SLC39A8: variants seen among roughly 807,000 people sequenced by gnomAD.
The protein encoded by SLC39A8 is metal cation symporter ZIP8.
In SLC39A8, 15 loss-of-function variants were observed where a neutral mutation model predicts 40.4. The ratio of observed to expected loss-of-function variants is 0.37; its 90% confidence interval spans 0.25 to 0.57. SLC39A8 has a LOEUF of 0.57. Among genes scored for constraint, SLC39A8 ranks in the 20% least tolerant of loss-of-function variants. The pLI is 0.75. For synonymous variants in SLC39A8, 223 were observed against 221.6 expected (o/e 1.01, Z -0.06); for missense variants, 472 against 558.8 (o/e 0.84, Z 1.57).
chr4:102,325,560 T>TA (rs1316263094), intron 2 of SLC39A8, among the ~76,000 whole-genome samples: 13 of 152,198 alleles, frequency 8.5e-5, no homozygotes, highest in South Asian at 2.1e-4. Flanking sequence ...CTGCTAGGGA[T>TA]AAAAAGATTA....
At chr4:102,290,831 C>A (rs1236707985) in intron 6 of SLC39A8, among the ~76,000 whole-genome samples, 3 of 152,054 alleles carry the variant, frequency 2.0e-5, no homozygotes, top group African/African-American at 7.2e-5. Flanking sequence ...TTCCCACCTG[C>A]CTGAAATTGA....
chr4:102,320,272 T>C (rs1427655797), intron 2 of SLC39A8, among the ~76,000 whole-genome samples: 1 of 132,912 alleles, frequency 7.5e-6, no homozygotes, highest in Non-Finnish European at 1.6e-5. Context: ...TATATGAGAA[T>C]ATTATATATG....
Position 102,326,434 on chromosome 4 carries a change from G to A in SLC39A8, c.220-10604C>T, listed in dbSNP as rs1230912284. Reference sequence around the variant, plus strand: ...AAATTAGCCAGGCCTCGTGGCGGGCGCCTGTAGTCCCAGCTACTCGGGAGG... The same window carrying A: ...AAATTAGCCAGGCCTCGTGGCGGGCACCTGTAGTCCCAGCTACTCGGGAGG... On this transcript the variant is annotated intron_variant, in intron 2 of 8. Coordinates refer to ENST00000356736, the MANE Select transcript of SLC39A8 (RefSeq NM_001135146.2). 3.9e-5 allele frequency among the ~76,000 whole-genome samples: 6 copies of A among 152,256 alleles called. No individual in the cohort carries two copies. The South Asian group carries it at 6.2e-4, about 16-fold the overall frequency.
intron 6 of SLC39A8, among the ~76,000 whole-genome samples, chr4:102,286,331 G>T (rs908147111): frequency 6.6e-6 from 1 of 152,102 alleles, no homozygotes; most frequent in Admixed American, 6.6e-5. Flanking sequence ...CAGCATGCAT[G>T]ACAGAACAAC....
chr4:102,290,290 T>C (rs1159664685), intron 6 of SLC39A8, among the ~76,000 whole-genome samples: 2 of 152,164 alleles, frequency 1.3e-5, no homozygotes, highest in Non-Finnish European at 2.9e-5. Context: ...TATAGTGTAG[T>C]GAAAACATAT....
At chr4:102,312,419 T>C (rs183437277) in intron 3 of SLC39A8, among the ~76,000 whole-genome samples, 33 of 152,218 alleles carry the variant, frequency 2.2e-4, no homozygotes, top group African/African-American at 7.7e-4. Context: ...TATGACTTTG[T>C]AGTGTTGTCC....
At chr4:102,271,761 T>C (rs1223637185) in intron 6 of SLC39A8, among the ~76,000 whole-genome samples, 2 of 152,244 alleles carry the variant, frequency 1.3e-5, no homozygotes, top group Admixed American at 1.3e-4. Context: ...GCAACTGATA[T>C]ATAGCCAAGG....
chr4:102,319,778 A>G (rs922284858), intron 2 of SLC39A8, among the ~76,000 whole-genome samples: 1 of 152,064 alleles, frequency 6.6e-6, no homozygotes, highest in African/African-American at 2.4e-5. Context: ...CAAATTAAAC[A>G]TTATTTCTAG....
At chr4:102,340,074 G>A (rs1237004808) in intron 2 of SLC39A8, among the ~76,000 whole-genome samples, 2 of 152,146 alleles carry the variant, frequency 1.3e-5, no homozygotes, top group African/African-American at 4.8e-5. Flanking sequence ...ATGTGCATAT[G>A]TCATGTCTCC....
At chr4:102,280,894 C>G (rs1245091015) in intron 6 of SLC39A8, among the ~76,000 whole-genome samples, 1 of 152,142 alleles carries the variant, frequency 6.6e-6, no homozygotes, top group African/African-American at 2.4e-5. Flanking sequence ...CAGTTATTTT[C>G]AGTTTGGGAC....
At chr4:102,252,638 T>C (rs960450592) in exon 12 of SLC39A8, 1 of 152,230 alleles carries the variant, frequency 6.6e-6, no homozygotes, top group Non-Finnish European at 1.5e-5. Context: ...AAGAGGCTTG[T>C]CAATTCAGTG....
intron 2 of SLC39A8, among the ~76,000 whole-genome samples, chr4:102,320,168 CATAT>C (rs70937533): frequency 0.19 from 19,578 of 101,708 alleles, 1,904 homozygotes; most frequent in African/African-American, 0.22. Context: ...TATATATATA[CATAT>C]ATATATATAT....
At chr4:102,336,726 G>C (rs1055995124) in intron 2 of SLC39A8, among the ~76,000 whole-genome samples, 65 of 152,110 alleles carry the variant, frequency 4.3e-4, no homozygotes, top group African/African-American at 1.2e-3. Context: ...ATTAAACAAG[G>C]CTCCATTCTG....
rs990863582 is a variant in SLC39A8 at position 102,266,500 on chromosome 4, A to G, written c.1233+990T>C. 4.6e-5 allele frequency among the ~76,000 whole-genome samples: 7 copies of G among 152,332 alleles called. No homozygotes were observed. The East Asian group carries it at 1.3e-3, about 29-fold the overall frequency. On this transcript the variant is annotated intron_variant, in intron 8 of 8. Transcript: ENST00000356736. The stretch of plus-strand genomic sequence containing the variant: ...ATGTAATACATCCAGTTCCAAATGC[A>G]AAAGAAATAGTCCTTGATTTTCATA...
chr4:102,298,317 G>A lies in SLC39A8; in HGVS notation c.840+6000C>T, dbSNP rs570379130. Among the ~76,000 whole-genome samples the A allele has an allele frequency of 5.3e-5, 8 of 152,030 alleles. No individual in the cohort carries two copies. In the East Asian group the frequency reaches 1.6e-3, roughly 30 times the overall value. ...AAAGCCAGATAAAATGACCTGTCCAGGGCAGGGATGCTCTGAGATAGACCC... is the reference window on the plus strand; with the variant it reads ...AAAGCCAGATAAAATGACCTGTCCAAGGCAGGGATGCTCTGAGATAGACCC... On this transcript the variant is annotated intron_variant, in intron 6 of 8. Transcript: ENST00000356736.
chr4:102,299,509 T>C (rs947221131), intron 6 of SLC39A8, among the ~76,000 whole-genome samples: 2 of 151,982 alleles, frequency 1.3e-5, no homozygotes, highest in Non-Finnish European at 2.9e-5. Flanking sequence ...TGTTAAGTAC[T>C]GGAAAAATAC....
At chr4:102,295,901 A>G (rs748146255) in intron 6 of SLC39A8, among the ~76,000 whole-genome samples, 6 of 152,134 alleles carry the variant, frequency 3.9e-5, no homozygotes, top group Admixed American at 1.3e-4. Context: ...TCTGGGGAAA[A>G]GCAAGTAGTT....
chr4:102,342,028 AGGG>A (rs1735966065), intron 2 of SLC39A8, among the ~76,000 whole-genome samples: 1 of 152,220 alleles, frequency 6.6e-6, no homozygotes, highest in Admixed American at 6.5e-5. Context: ...TGTATTCCTC[AGGG>A]TATGTAAGCA....
chr4:102,264,389 A>T (rs886903020), intron 8 of SLC39A8, among the ~76,000 whole-genome samples: 1 of 152,222 alleles, frequency 6.6e-6, no homozygotes, highest in Non-Finnish European at 1.5e-5. Context: ...AGTGGGTCCT[A>T]ACAGTGGGTT....
Sources: gnomAD v4.1 joint callset for allele counts (sites outside exome capture counted in the v4.1 genomes callset) on GRCh38, gnomAD v4.1.1 for gene constraint, MANE v1.5 for transcripts, NCBI Gene and HGNC (gene_info 2026-07-23, HGNC 2026-07-21) for gene names.